FBXL20: variants seen among roughly 807,000 people sequenced by gnomAD.
The protein encoded by FBXL20 is F-box and leucine rich repeat protein 20, also known as F-box/LRR-repeat protein 20.
In FBXL20, 11 loss-of-function variants were observed where a neutral mutation model predicts 64.0. The observed-to-expected ratio is 0.17, with a 90% confidence interval of 0.11 to 0.28. FBXL20 has a LOEUF of 0.28. Among genes scored for constraint, FBXL20 ranks in the 10% least tolerant of loss-of-function variants. The pLI is 1.00. For missense variants in FBXL20, 303 were observed against 526.2 expected (o/e 0.58, Z 4.15); for synonymous variants, 184 against 189.0 (o/e 0.97, Z 0.22).
At chr17:39,399,017 C>T (rs1238336968) in intron 1 of FBXL20, among the ~76,000 whole-genome samples, 8 of 152,122 alleles carry the variant, frequency 5.3e-5, no homozygotes, top group Non-Finnish European at 1.0e-4. Context: ...AGCTCTAACC[C>T]AGAGTGGGAG....
chr17:39,297,081 G>C (rs2047092928), intron 6 of FBXL20, 46 bp downstream of exon 6: 1 of 1,370,752 alleles, frequency 7.3e-7, no homozygotes, highest in Non-Finnish European at 1.0e-6. Flanking sequence ...GTATCAGCCA[G>C]ACATAAGGGG....
intron 1 of FBXL20, among the ~76,000 whole-genome samples, chr17:39,370,806 AAAAAG>A (rs1364041928): frequency 1.3e-5 from 2 of 151,744 alleles, no homozygotes; most frequent in Admixed American, 1.3e-4. Context: ...AAAAAAAAAA[AAAAAG>A]AAAAGAAAAC....
intron 2 of FBXL20, among the ~76,000 whole-genome samples, chr17:39,307,936 A>G (rs1256750208): frequency 4.0e-5 from 6 of 150,000 alleles, no homozygotes; most frequent in African/African-American, 1.5e-4. Flanking sequence ...GCTCCACTGC[A>G]CTCCAACCTG....
At chr17:39,360,415 G>T (rs1042124934) in intron 1 of FBXL20, among the ~76,000 whole-genome samples, 3 of 152,096 alleles carry the variant, frequency 2.0e-5, no homozygotes, top group African/African-American at 7.2e-5. Flanking sequence ...TAATAAAAAT[G>T]ATTTAAAAAC....
chr17:39,402,383 T>C (rs780739236), upstream of FBXL20: 3 of 429,298 alleles, frequency 7.0e-6, no homozygotes, highest in Non-Finnish European at 1.2e-5. Context: ...CTTGTCTCCC[T>C]GTGCATGGCT....
intron 2 of FBXL20, among the ~76,000 whole-genome samples, chr17:39,321,612 T>C (rs1418195940): frequency 6.6e-6 from 1 of 151,472 alleles, no homozygotes; most frequent in Non-Finnish European, 1.5e-5. Context: ...ACCTCATCTC[T>C]ACTAAAAATA....
intron 1 of FBXL20, among the ~76,000 whole-genome samples, chr17:39,398,040 C>CGGGGGGGG (rs56842905): frequency 1.8e-4 from 10 of 56,674 alleles, no homozygotes; most frequent in African/African-American, 3.2e-4. Context: ...GGCCGGCGGG[C>CGGGGGGGG]GGGGGGGGGG....
chr17:39,354,527 A>G (rs2047717766), intron 1 of FBXL20, among the ~76,000 whole-genome samples: 2 of 152,214 alleles, frequency 1.3e-5, no homozygotes. Flanking sequence ...GAAAGGGACC[A>G]TGTCTGTTTT....
In FBXL20 at chr17:39,258,400, G is replaced by T. The variant is rs1433472266; in HGVS notation, c.*3060C>A. 1.3e-5 allele frequency: 2 copies of T among 152,200 alleles called. No individual in the cohort carries two copies. Among genetic ancestry groups the T allele is most frequent in the Admixed American group, 6.5e-5 (1 of 15,272 alleles). The allele number at this position is 152,200 out of a possible 1,614,324, so 9.4% of individuals were successfully genotyped here. Reference sequence around the variant, plus strand: ...ATGTATTTCCTTCCAAGCTTGATAGGCCTGAAGTTTTCTTGAGAAAGGAAC... The same window carrying T: ...ATGTATTTCCTTCCAAGCTTGATAGTCCTGAAGTTTTCTTGAGAAAGGAAC... On this transcript the variant is annotated 3_prime_UTR_variant, in exon 15 of 15. Coordinates refer to ENST00000264658, the MANE Select transcript of FBXL20 (RefSeq NM_032875.3).
chr17:39,315,829 CAGAG>C (rs141728220), intron 2 of FBXL20, among the ~76,000 whole-genome samples: 6,996 of 129,558 alleles, frequency 0.054, 202 homozygotes, highest in South Asian at 0.085. Context: ...GAGAGAGAGA[CAGAG>C]AGAGAGAGAG....
chr17:39,323,007 G>T (rs1194166681), intron 2 of FBXL20, among the ~76,000 whole-genome samples: 1 of 127,948 alleles, frequency 7.8e-6, no homozygotes, highest in African/African-American at 3.0e-5. Context: ...GTCTCACTCT[G>T]TCGCCAGGCT....
At chr17:39,345,402 A>G (rs2047622407) in intron 1 of FBXL20, among the ~76,000 whole-genome samples, 2 of 152,164 alleles carry the variant, frequency 1.3e-5, no homozygotes, top group South Asian at 2.1e-4. Flanking sequence ...AAAGATAACA[A>G]TATGTACAAA....
Position 39,259,759 on chromosome 17 carries a change from G to A in FBXL20, c.*1701C>T, listed in dbSNP as rs1197702150. ...AGCACTTTGGGAGGCTGAGGCAGGT[G>A]GATCATTTGAGGTCAGGAGTTCAAG... On this transcript the variant is annotated 3_prime_UTR_variant, in exon 15 of 15. Coordinates refer to ENST00000264658, the MANE Select transcript of FBXL20 (RefSeq NM_032875.3). The A allele has an allele frequency of 6.6e-6, 1 of 152,088 alleles. No individual in the cohort carries two copies. The highest frequency in any genetic ancestry group is 1.5e-5 in the Non-Finnish European group (1 of 68,104). The allele number at this position is 152,088 out of a possible 1,614,324, so 9.4% of individuals were successfully genotyped here.
chr17:39,326,044 C>A (rs746100424), intron 2 of FBXL20, among the ~76,000 whole-genome samples: 2 of 152,052 alleles, frequency 1.3e-5, no homozygotes, highest in Non-Finnish European at 2.9e-5. Flanking sequence ...CATACACGAT[C>A]TGGTTGTTTA....
rs2046731574 is a variant in FBXL20, at chr17:39,260,021, A to G, written c.*1439T>C. 6.6e-6 allele frequency: 1 copy of G among 151,570 alleles called. No individual in the cohort carries two copies. The highest frequency in any genetic ancestry group is 1.5e-5 in the Non-Finnish European group (1 of 68,010). The allele number at this position is 151,570 out of a possible 1,614,324, so 9.4% of individuals were successfully genotyped here. A position where few individuals can be genotyped will look rare whatever the true frequency, so the allele number is the denominator to read the frequency against. On this transcript the variant is annotated 3_prime_UTR_variant, in exon 15 of 15. Transcript: ENST00000264658. ...AAAAAAAAAAAGACTGGGGCAGAAA[A>G]GAGAGATGACTGACAGGTTATGGGA...
intron 2 of FBXL20, among the ~76,000 whole-genome samples, chr17:39,312,568 CTT>C (rs750605079): frequency 2.2e-4 from 20 of 91,710 alleles, no homozygotes; most frequent in African/African-American, 1.0e-3. Context: ...TAAATTCTAT[CTT>C]TTTTTTTTTT....
At chr17:39,321,780 C>CAAA (rs540775014) in intron 2 of FBXL20, among the ~76,000 whole-genome samples, 5 of 83,518 alleles carry the variant, frequency 6.0e-5, no homozygotes, top group Non-Finnish European at 8.3e-5. Context: ...AATTCTGTCT[C>CAAA]AAAAAAAAAA....
chr17:39,381,684 AG>A (rs1302774206), intron 1 of FBXL20, among the ~76,000 whole-genome samples: 9 of 150,878 alleles, frequency 6.0e-5, no homozygotes, highest in Non-Finnish European at 1.2e-4. Flanking sequence ...TTAGCTACTC[AG>A]GGGGCTGAGG....
At chr17:39,287,162 C>T (rs1353319731) in intron 6 of FBXL20, among the ~76,000 whole-genome samples, 5 of 152,064 alleles carry the variant, frequency 3.3e-5, no homozygotes, top group South Asian at 2.1e-4. Flanking sequence ...CTGCCCGCCT[C>T]GGCCTCCCAA....
Sources: gnomAD v4.1 joint callset for allele counts (sites outside exome capture counted in the v4.1 genomes callset) on GRCh38, gnomAD v4.1.1 for gene constraint, MANE v1.5 for transcripts, NCBI Gene and HGNC (gene_info 2026-07-23, HGNC 2026-07-21) for gene names.